Variants in ACAA2 observed in about 807,000 individuals in gnomAD.
The protein encoded by ACAA2 is acetyl-CoA acyltransferase 2.
In ACAA2, 35 loss-of-function variants were observed where a neutral mutation model predicts 44.8. That is an observed-to-expected ratio of 0.78 (90% CI 0.60 to 1.04). The LOEUF (loss-of-function observed/expected upper bound fraction) is 1.04. Among genes scored for constraint, ACAA2 ranks in the 50% least tolerant of loss-of-function variants. ACAA2 has a pLI of 0.00. For missense variants in ACAA2, 468 were observed against 482.6 expected (o/e 0.97, Z 0.28); for synonymous variants, 142 against 166.5 (o/e 0.85, Z 1.13).
rs199817176 is a variant in ACAA2 at position 49,792,152 on chromosome 18, C to G, written c.753G>C (p.Ser251=). ...KDGTVTAGNA[S]GVADGAGAVI... Reference sequence around the variant, plus strand: ...AGCTAATCTGTGTGGTGATACCAACCGATGCATTCCCTGCAGTAACAGTTC... The same window carrying G: ...AGCTAATCTGTGTGGTGATACCAACGGATGCATTCCCTGCAGTAACAGTTC... The change falls in exon 6 of 10, where the codon TCG becomes TCC. Residue 251 remains serine (S), a splice_region_variant and synonymous_variant. Coordinates refer to ENST00000285093, the MANE Select transcript of ACAA2 (RefSeq NM_006111.3). The G allele has an allele frequency of 7.4e-6, 12 of 1,611,676 alleles. No homozygotes were observed. In the South Asian group the frequency reaches 9.9e-5, roughly 13 times the overall value.
intron 6 of ACAA2, among the ~76,000 whole-genome samples, chr18:49,791,947 T>G (rs928192573): frequency 1.3e-5 from 2 of 152,066 alleles, no homozygotes; most frequent in Admixed American, 6.6e-5. Context: ...TCTGAAAAAA[T>G]TAAGAAATCA....
intron 9 of ACAA2, 137 bp from the exon 10 acceptor site, chr18:49,784,068 G>A: frequency 1.4e-6 from 1 of 725,320 alleles, no homozygotes; most frequent in South Asian, 1.7e-5. Flanking sequence ...CTCAATTTTG[G>A]TATAATTACA....
chr18:49,807,229 C>T (rs1598802694), intron 1 of ACAA2, among the ~76,000 whole-genome samples: 1 of 152,124 alleles, frequency 6.6e-6, no homozygotes, highest in Admixed American at 6.5e-5. Flanking sequence ...ATCCCCATCT[C>T]TAAAAAATGT....
intron 7 of ACAA2, among the ~76,000 whole-genome samples, chr18:49,787,734 A>G (rs1007332210): frequency 2.0e-5 from 3 of 152,220 alleles, no homozygotes; most frequent in Non-Finnish European, 4.4e-5. Flanking sequence ...AATTACATGA[A>G]AAGTTCTACC....
Position 49,783,902 on chromosome 18 carries a change from G to A in ACAA2, c.1139C>T (p.Ser380Leu). 1 of 1,614,000 alleles carries A rather than the reference G, an allele frequency of 6.2e-7. No individual in the cohort carries two copies. The highest frequency in any genetic ancestry group is 8.5e-7 in the Non-Finnish European group (1 of 1,179,960). The change falls in exon 10 of 10, where the codon TCA (serine) becomes TTA (leucine). Residue 380 changes from serine (S) to leucine (L), a missense_variant. Transcript: ENST00000285093. The part of the protein sequence containing the change: ...RRRGGKYAVG[S>L]ACIGGGQGIA... ...ACCTTGGCCACCTCCAATGCAAGCTGATCCAACGGCATATTTTCCACCTCG... is the reference window on the plus strand; with the variant it reads ...ACCTTGGCCACCTCCAATGCAAGCTAATCCAACGGCATATTTTCCACCTCG...
At chr18:49,808,986 A>G (rs1054058987) in intron 1 of ACAA2, among the ~76,000 whole-genome samples, 15 of 152,114 alleles carry the variant, frequency 9.9e-5, no homozygotes, top group African/African-American at 3.1e-4. Context: ...TCTCAACCGC[A>G]TAAGACAGAC....
chr18:49,808,800 T>A (rs1195817746), intron 1 of ACAA2, among the ~76,000 whole-genome samples: 2 of 152,204 alleles, frequency 1.3e-5, no homozygotes. Flanking sequence ...CAAAAACTCC[T>A]GATAAGGGCC....
rs762725005 is a variant in ACAA2 at position 49,792,339 on chromosome 18, TAG to T, written c.578-14_578-13del. The T allele has an allele frequency of 5.0e-6, 8 of 1,599,348 alleles. No homozygotes were observed. The highest frequency in any genetic ancestry group is 4.0e-5 in the African/African-American group (3 of 74,510). On this transcript the variant is annotated splice_polypyrimidine_tract_variant and intron_variant, in intron 5 of 9. Transcript: ENST00000285093. The stretch of plus-strand genomic sequence containing the variant: ...GCCAGCATCATTAGCTGAAAAATAG[TAG>T]AGAGACTATCATAAGAATAAAAGAG...
chr18:49,794,538 A>G, intron 4 of ACAA2, 111 bp from the exon 5 acceptor site: 1 of 861,576 alleles, frequency 1.2e-6, no homozygotes, highest in South Asian at 3.2e-5. Context: ...TAAAATTAAG[A>G]CTTTCTGATA....
intron 1 of ACAA2, among the ~76,000 whole-genome samples, chr18:49,806,474 G>T (rs1047428625): frequency 9.2e-5 from 14 of 152,144 alleles, no homozygotes; most frequent in Non-Finnish European, 1.5e-5. Context: ...GTGCATGGGG[G>T]TGATTTTGTA....
intron 4 of ACAA2, 29 bp from the exon 5 acceptor site, chr18:49,794,456 G>C (rs767038159): frequency 6.7e-7 from 1 of 1,485,426 alleles, no homozygotes; most frequent in South Asian, 1.5e-5. Flanking sequence ...AAAGTGACTT[G>C]TTAAGGCATT....
chr18:49,791,097 C>T (rs2023393041), intron 7 of ACAA2, among the ~76,000 whole-genome samples: 1 of 152,238 alleles, frequency 6.6e-6, no homozygotes, highest in South Asian at 2.1e-4. Flanking sequence ...ATACAGCCTT[C>T]TCTGTTTCAC....
intron 2 of ACAA2, among the ~76,000 whole-genome samples, chr18:49,798,072 G>T (rs887161564): frequency 6.6e-6 from 1 of 152,196 alleles, no homozygotes; most frequent in African/African-American, 2.4e-5. Flanking sequence ...ATCGGAGGCT[G>T]TGGTTCTCAA....
Position 49,785,309 on chromosome 18 carries a change from T to C in ACAA2, c.997A>G (p.Ser333Gly), listed in dbSNP as rs200100202. 1 of 1,614,124 alleles carries C rather than the reference T, an allele frequency of 6.2e-7. No homozygotes were observed. Among genetic ancestry groups the C allele is most frequent in the East Asian group, 2.2e-5 (1 of 44,882 alleles). Reference sequence around the variant, plus strand: ...GTTTTACTTATGTCAAGATCCAAACTCCTCTCAACAGCCAAGTACTGGGGA... The same window carrying C: ...GTTTTACTTATGTCAAGATCCAAACCCCTCTCAACAGCCAAGTACTGGGGA... ...FAPQYLAVERSLDLDISKTNV... is the reference protein window; with the variant it reads ...FAPQYLAVERGLDLDISKTNV... Residue 333 changes from serine (S) to glycine (G), a missense_variant, in exon 9 of 10, where the codon AGT (serine) becomes GGT (glycine). Transcript: ENST00000285093.
chr18:49,800,065 C>T (rs1199385296), intron 2 of ACAA2, among the ~76,000 whole-genome samples: 3 of 151,470 alleles, frequency 2.0e-5, no homozygotes, highest in Non-Finnish European at 4.4e-5. Flanking sequence ...CCGGCAACCA[C>T]GCCATCCGGG....
At chr18:49,787,437 T>TA in intron 7 of ACAA2, 76 bp from the exon 8 acceptor site, 1 of 1,069,064 alleles carries the variant, frequency 9.4e-7, no homozygotes, top group Non-Finnish European at 1.3e-6. Flanking sequence ...AGCTTCTCCT[T>TA]CTTTCCAAGT....
chr18:49,790,529 C>G (rs1393172348), intron 7 of ACAA2, among the ~76,000 whole-genome samples: 1 of 152,208 alleles, frequency 6.6e-6, no homozygotes, highest in Non-Finnish European at 1.5e-5. Context: ...AATCTGAAAT[C>G]TATACCCTAG....
At chr18:49,784,561 A>T (rs2023304806) in intron 9 of ACAA2, among the ~76,000 whole-genome samples, 1 of 152,184 alleles carries the variant, frequency 6.6e-6, no homozygotes, top group Non-Finnish European at 1.5e-5. Flanking sequence ...TCATTAAGTG[A>T]AATAAGAGTC....
chr18:49,796,417 AATT>A (rs1207650131), intron 3 of ACAA2, among the ~76,000 whole-genome samples: 1 of 152,198 alleles, frequency 6.6e-6, no homozygotes, highest in Non-Finnish European at 1.5e-5. Flanking sequence ...TGGTTCTTAA[AATT>A]ATTACTAGGA....
Sources: allele counts gnomAD v4.1 joint callset (sites outside exome capture counted in the v4.1 genomes callset), GRCh38; gene constraint gnomAD v4.1.1; transcripts MANE v1.5; gene names NCBI Gene and HGNC (gene_info 2026-07-23, HGNC 2026-07-21).